Variants in PDE6C observed in about 807,000 individuals in gnomAD.
PDE6C encodes cone cGMP-specific 3',5'-cyclic phosphodiesterase subunit alpha'.
A neutral mutation model predicts 113.1 loss-of-function variants in PDE6C; 75 were observed. That is an observed-to-expected ratio of 0.66 (90% CI 0.55 to 0.80). The LOEUF (loss-of-function observed/expected upper bound fraction) is 0.80. Among genes scored for constraint, PDE6C ranks in the 30% least tolerant of loss-of-function variants. The pLI is 0.00. For missense variants in PDE6C, 912 were observed against 1,038.6 expected, an observed-to-expected ratio of 0.88 and a Z score of 1.67; for synonymous variants, 375 against 363.7, an observed-to-expected ratio of 1.03 and a Z score of -0.35.
chr10:93,612,752 G>A lies in PDE6C; in HGVS notation c.27G>A (p.Val9=). 6.2e-7 allele frequency: 1 copy of A among 1,614,084 alleles called. No homozygotes were observed. The highest frequency in any genetic ancestry group is 8.5e-7 in the Non-Finnish European group (1 of 1,180,038). MGEINQVA[V]EKYLEENPQF... is the part of the protein sequence containing the mutation. ...TGGGTGAGATCAACCAAGTTGCCGT[G>A]GAGAAATACCTGGAGGAGAACCCTC... Residue 9 remains valine (V), a synonymous_variant, in exon 1 of 22, where the codon GTG becomes GTA. Coordinates refer to ENST00000371447, the MANE Select transcript of PDE6C (RefSeq NM_006204.4).
At chr10:93,648,888 G>A (rs768787789) in intron 15 of PDE6C, among the ~76,000 whole-genome samples, 1 of 152,072 alleles carries the variant, frequency 6.6e-6, no homozygotes, top group Non-Finnish European at 1.5e-5. Flanking sequence ...CATATCAACC[G>A]CATCAGCCTG....
At chr10:93,629,820 G>A (rs1483392912) in intron 8 of PDE6C, among the ~76,000 whole-genome samples, 1 of 152,134 alleles carries the variant, frequency 6.6e-6, no homozygotes, top group Middle Eastern at 3.2e-3. Context: ...TGAGCAATGG[G>A]GAGTGACTGT....
At chr10:93,658,690 CT>C (rs2058652100) in intron 16 of PDE6C, among the ~76,000 whole-genome samples, 1 of 115,964 alleles carries the variant, frequency 8.6e-6, no homozygotes, top group Non-Finnish European at 1.8e-5. Flanking sequence ...CTCTCTCTCT[CT>C]GTATGGTTTG....
In PDE6C at chr10:93,637,197, A is replaced by C. The variant is rs544853730; in HGVS notation, c.1482+134A>C. The C allele has an allele frequency of 6.1e-6, 4 of 654,130 alleles. No individual in the cohort carries two copies. In the East Asian group the frequency reaches 1.1e-4, roughly 18 times the overall value. 40.5% of individuals were successfully genotyped at this position (654,130 alleles called of 1,614,324 possible). On this transcript the variant is annotated intron_variant, in intron 11 of 21. Transcript: ENST00000371447. ...TTCCTGATATTTCTCAAGGCTAAAA[A>C]GAAAGAATTCTTCTAAAGATTGATC...
chr10:93,640,159 T>C lies in PDE6C; in HGVS notation c.1572T>C (p.Cys524=), dbSNP rs547373667. 6.2e-7 allele frequency: 1 copy of C among 1,613,432 alleles called. No homozygotes were observed. The highest frequency in any genetic ancestry group is 8.5e-7 in the Non-Finnish European group (1 of 1,179,478). ...FPLTEHGLIK[C]GIRLFFEINV... ...TTACAGAGCACGGATTGATTAAATG[T>C]GGAATACGACTGTTTTTTGAAATAA... The change falls in exon 12 of 22, where the codon TGT becomes TGC. Residue 524 remains cysteine, a synonymous_variant. Transcript: ENST00000371447.
At chr10:93,621,212 G>A (rs2857293) in intron 3 of PDE6C, among the ~76,000 whole-genome samples, 39,793 of 151,988 alleles carry the variant, frequency 0.26, 6,005 homozygotes, top group East Asian at 0.38. Context: ...GCTTTCTTCA[G>A]TCTAGATCCC....
chr10:93,628,942 A>G (rs829109), intron 7 of PDE6C, among the ~76,000 whole-genome samples: 146,606 of 152,276 alleles, frequency 0.96, 70,818 homozygotes, highest in East Asian at 1. Context: ...GCAGAGCTAG[A>G]ATTTCTCAGC....
chr10:93,646,333 A>C (rs186171824), intron 15 of PDE6C, among the ~76,000 whole-genome samples: 64 of 152,276 alleles, frequency 4.2e-4, no homozygotes, highest in African/African-American at 1.5e-3. Flanking sequence ...CGTGCACCCC[A>C]AGCATATGTA....
At chr10:93,628,096 T>C (rs2058482516) in intron 7 of PDE6C, among the ~76,000 whole-genome samples, 1 of 152,152 alleles carries the variant, frequency 6.6e-6, no homozygotes, top group Non-Finnish European at 1.5e-5. Flanking sequence ...ACCATGGAAA[T>C]TGGCAACTGA....
At position 93,635,649 on chromosome 10, in the gene PDE6C, G is replaced by T. The variant is rs369745930; in HGVS notation, c.1413+9G>T. 7 of 1,613,366 alleles carry T rather than the reference G, an allele frequency of 4.3e-6. No individual in the cohort carries two copies. The African/African-American group carries it at 8.0e-5, about 18-fold the overall frequency. ...AAATTAAGTCCATTTTGGTAAGTGGGAAATTCAGTCCTGTGGACATAAGAT... is the reference window on the plus strand; with the variant it reads ...AAATTAAGTCCATTTTGGTAAGTGGTAAATTCAGTCCTGTGGACATAAGAT... On this transcript the variant is annotated intron_variant, in intron 10 of 21. Coordinates refer to ENST00000371447, the MANE Select transcript of PDE6C (RefSeq NM_006204.4).
intron 14 of PDE6C, among the ~76,000 whole-genome samples, chr10:93,645,425 A>G (rs902821214): frequency 6.6e-6 from 1 of 152,148 alleles, no homozygotes; most frequent in African/African-American, 2.4e-5. Context: ...TAATCTCTAG[A>G]CCTTTGACAT....
intron 15 of PDE6C, among the ~76,000 whole-genome samples, chr10:93,648,485 C>G (rs759617847): frequency 2.0e-5 from 3 of 152,032 alleles, no homozygotes; most frequent in Admixed American, 6.6e-5. Context: ...TTTTCATTCT[C>G]TAAAGAAAAT....
chr10:93,613,227 G>T, intron 1 of PDE6C, 22 bp downstream of exon 1: 1 of 1,613,248 alleles, frequency 6.2e-7, no homozygotes, highest in Non-Finnish European at 8.5e-7. Flanking sequence ...TATGACAGTG[G>T]GGCAGAGGTC....
At chr10:93,635,969 C>A (rs1004095790) in intron 10 of PDE6C, among the ~76,000 whole-genome samples, 1 of 152,184 alleles carries the variant, frequency 6.6e-6, no homozygotes, top group African/African-American at 2.4e-5. Context: ...ACAACCCTAA[C>A]GCCTCAGTGT....
Position 93,640,435 on chromosome 10 carries a change from G to T in PDE6C, c.1630-15G>T. ...AATTCTATTCCAAAGTCTGAATGGT[G>T]TCATCTTCTTTTAGGTTCTTACCAG... On this transcript the variant is annotated splice_polypyrimidine_tract_variant and intron_variant, in intron 12 of 21. Coordinates refer to ENST00000371447, the MANE Select transcript of PDE6C (RefSeq NM_006204.4). 1 of 1,572,184 alleles carries T rather than the reference G, an allele frequency of 6.4e-7. No individual in the cohort carries two copies. The highest frequency in any genetic ancestry group is 1.1e-5 in the South Asian group (1 of 90,210).
intron 8 of PDE6C, among the ~76,000 whole-genome samples, chr10:93,634,400 A>G (rs766564073): frequency 3.3e-5 from 5 of 152,194 alleles, no homozygotes; most frequent in Non-Finnish European, 5.9e-5. Context: ...GTAGTGATGG[A>G]ATAGTGTTGT....
intron 21 of PDE6C, among the ~76,000 whole-genome samples, chr10:93,664,451 G>C (rs2058680901): frequency 6.6e-6 from 1 of 152,196 alleles, no homozygotes; most frequent in African/African-American, 2.4e-5. Flanking sequence ...AGTGCAGGTA[G>C]CTGCCAGATA....
At chr10:93,617,440 G>A (rs780849454) in intron 1 of PDE6C, among the ~76,000 whole-genome samples, 3 of 152,120 alleles carry the variant, frequency 2.0e-5, no homozygotes, top group Non-Finnish European at 4.4e-5. Context: ...GGAATAAAAT[G>A]GCATTAAGTT....
chr10:93,614,516 C>A (rs1434313073), intron 1 of PDE6C, among the ~76,000 whole-genome samples: 1 of 152,172 alleles, frequency 6.6e-6, no homozygotes, highest in Non-Finnish European at 1.5e-5. Context: ...TCTAGACAAC[C>A]AACTGGAAGG....
Sources: gnomAD v4.1 joint callset for allele counts (sites outside exome capture counted in the v4.1 genomes callset) on GRCh38, gnomAD v4.1.1 for gene constraint, MANE v1.5 for transcripts, NCBI Gene and HGNC (gene_info 2026-07-23, HGNC 2026-07-21) for gene names.